GALNS: variants seen among roughly 807,000 people sequenced by gnomAD.
The protein encoded by GALNS is galactosamine (N-acetyl)-6-sulfatase, also known as N-acetylgalactosamine-6-sulfatase.
GALNS carries 65 observed loss-of-function variants against 65.9 expected under a neutral mutation model. The observed-to-expected ratio is 0.99, with a 90% CI of 0.81 to 1.21. GALNS has a LOEUF of 1.21. Ranked by LOEUF, GALNS falls within the 50% of genes most tolerant of loss-of-function variation. The pLI, the probability that GALNS is intolerant of heterozygous loss-of-function variation, is 0.00. For missense variants in GALNS, 776 were observed against 700.7 expected (o/e 1.11, Z -1.21); for synonymous variants, 346 against 288.9 (o/e 1.20, Z -2.00).
At position 88,822,793 on chromosome 16, in the gene GALNS, CCT is replaced by C. The variant is rs958396555; in HGVS notation, c.1243-85_1243-84del. On this transcript the variant is annotated intron_variant, in intron 11 of 13. Transcript: ENST00000268695. ...CCTCGTCTGCCCGTGTCCTGGAGCC[CCT>C]GACTGCGGCCGTGAGGGGCCTTGTC... 4.5e-6 allele frequency: 7 copies of C among 1,564,738 alleles called. No homozygotes were observed. The African/African-American group carries it at 5.4e-5, about 12-fold the overall frequency.
In GALNS at chr16:88,818,353, G is replaced by C. The variant is rs1234435342; in HGVS notation, c.1365-229C>G. Among the ~76,000 whole-genome samples, 4 of 152,338 alleles carry C rather than the reference G, an allele frequency of 2.6e-5. No individual in the cohort carries two copies. In the East Asian group the frequency reaches 7.7e-4, roughly 29 times the overall value. On this transcript the variant is annotated intron_variant, in intron 12 of 13. Coordinates refer to ENST00000268695, the MANE Select transcript of GALNS (RefSeq NM_000512.5). The stretch of plus-strand genomic sequence containing the variant: ...CTCACGGGCAAGAGAGGAAATGAAG[G>C]CTCAGCAGGCCAAGCCCTGGCAGAG...
At chr16:88,814,869 G>T (rs1024472361) in intron 13 of GALNS, 1 of 263,156 alleles carries the variant, frequency 3.8e-6, no homozygotes, top group African/African-American at 2.3e-5. Context: ...AAGGTGCTGG[G>T]ATTACAGGTG....
intron 12 of GALNS, among the ~76,000 whole-genome samples, chr16:88,820,729 C>T (rs551365597): frequency 1.2e-4 from 18 of 152,314 alleles, no homozygotes; most frequent in Middle Eastern, 3.4e-3. Flanking sequence ...ACGCAACAGG[C>T]GGGGAGCAGT....
chr16:88,856,097 C>T, intron 1 of GALNS: 2 of 688,420 alleles, frequency 2.9e-6, no homozygotes, highest in Non-Finnish European at 5.3e-6. Flanking sequence ...GTGGCTCCCA[C>T]AAGGAGTTAG....
Position 88,848,163 on chromosome 16 carries a change from G to A in GALNS, c.121-5334C>T, listed in dbSNP as rs74035861. On this transcript the variant is annotated intron_variant, in intron 1 of 13. Coordinates refer to ENST00000268695, the MANE Select transcript of GALNS (RefSeq NM_000512.5). The stretch of plus-strand genomic sequence containing the variant: ...GATCCTTAGAGACAGAAAGGGGAGC[G>A]GGTCGGCCAGGGGCTTCGGGGAGCA... 7.1e-3 allele frequency among the ~76,000 whole-genome samples: 1,085 copies of A among 152,288 alleles called. 13 individuals carry two copies. The highest frequency in any genetic ancestry group is 0.025 in the African/African-American group (1,020 of 41,548).
At chr16:88,821,372 C>G (rs926742904) in intron 12 of GALNS, among the ~76,000 whole-genome samples, 1 of 152,182 alleles carries the variant, frequency 6.6e-6, no homozygotes, top group Admixed American at 6.5e-5. Flanking sequence ...GCCTTGGACC[C>G]AGCGCCACCC....
rs78127134 is a variant in GALNS at position 88,818,027 on chromosome 16, C to T, written c.1462G>A (p.Val488Met). The T allele has an allele frequency of 1.2e-3, 1,872 of 1,583,156 alleles. 45 individuals carry two copies. In the East Asian group the frequency reaches 0.03, roughly 25 times the overall value. ...CTTACCATGACCGCCCAGTTGCACA[C>T]GTTGAGCTGGGGCTGCGCGGGGACC... Reference protein sequence around the residue: ...ALVPAQPQLNVCNWAVMNWAP... With the variant: ...ALVPAQPQLNMCNWAVMNWAP... Residue 488 changes from valine (V) to methionine (M), a missense_variant, in exon 13 of 14, where the codon GTG (valine) becomes ATG (methionine). By Grantham distance (21) the Val-to-Met change is conservative. Transcript: ENST00000268695.
intron 7 of GALNS, 137 bp downstream of exon 7, chr16:88,835,588 G>C: frequency 7.2e-7 from 1 of 1,395,754 alleles, no homozygotes; most frequent in Non-Finnish European, 1.0e-6. Context: ...CAGGCCAGTG[G>C]ACGGCTTCAA....
chr16:88,837,455 T>C (rs1006653696), intron 5 of GALNS, among the ~76,000 whole-genome samples, 167 bp downstream of exon 5: 3 of 152,080 alleles, frequency 2.0e-5, no homozygotes, highest in African/African-American at 7.2e-5. Flanking sequence ...GGGGCAAAAC[T>C]TGGTGGGACA....
chr16:88,830,230 C>CA (rs758855583), intron 9 of GALNS, among the ~76,000 whole-genome samples: 465 of 13,916 alleles, frequency 0.033, 40 homozygotes, highest in Non-Finnish European at 0.048. Flanking sequence ...GACTTCATCT[C>CA]AAAAAAAAAA....
At chr16:88,826,920 G>A (rs1910992439) in intron 9 of GALNS, 82 bp from the exon 10 acceptor site, 1 of 1,498,178 alleles carries the variant, frequency 6.7e-7, no homozygotes, top group African/African-American at 1.4e-5. Context: ...GGGGGCGTGA[G>A]CCCCGCTGCC....
chr16:88,835,414 G>A, intron 7 of GALNS, 62 bp from the exon 8 acceptor site: 1 of 1,595,416 alleles, frequency 6.3e-7, no homozygotes, highest in Non-Finnish European at 8.6e-7. Flanking sequence ...GGATCAGGCA[G>A]CCAACGGCAT....
chr16:88,840,176 G>C (rs1966899662), intron 4 of GALNS, among the ~76,000 whole-genome samples: 1 of 152,196 alleles, frequency 6.6e-6, no homozygotes, highest in South Asian at 2.1e-4. Flanking sequence ...TCCCTAGACA[G>C]CCTCTGGGTC....
intron 5 of GALNS, among the ~76,000 whole-genome samples, chr16:88,836,742 G>A (rs1043714631): frequency 9.2e-5 from 14 of 152,230 alleles, no homozygotes; most frequent in African/African-American, 2.7e-4. Context: ...CCCAGGGCAC[G>A]GTCTTGCATC....
rs564043469 is a variant in GALNS, at chr16:88,816,415, C to G, written c.1482+1592G>C. 6 of 985,442 alleles carry G rather than the reference C, an allele frequency of 6.1e-6. No individual in the cohort carries two copies. In the South Asian group the frequency reaches 2.8e-4, roughly 46 times the overall value. 61.0% of individuals were successfully genotyped at this position (985,442 alleles called of 1,614,324 possible). ...GACTCAGGGGTCCTGAGACAGGGAC[C>G]TCCCTGCTCCACCACTGAGTCCAGA... is the stretch of plus-strand genomic sequence containing the variant. On this transcript the variant is annotated intron_variant, in intron 13 of 13. Transcript: ENST00000268695.
At position 88,856,844 on chromosome 16, in the gene GALNS, G is replaced by A. The variant is rs911452920; in HGVS notation, c.34C>T (p.Gln12Ter). 6.6e-7 allele frequency: 1 copy of A among 1,516,620 alleles called. No individual in the cohort carries two copies. The highest frequency in any genetic ancestry group is 8.8e-7 in the Non-Finnish European group (1 of 1,141,532). The allele number at this position is 1,516,620 out of a possible 1,614,324, so 93.9% of individuals were successfully genotyped here. Reference sequence around the variant, plus strand: ...GCGGCGCTGAGCACCAGCAACAGCTGCCACCACCTCGTCGCCGCGACAACC... The same window carrying A: ...GCGGCGCTGAGCACCAGCAACAGCTACCACCACCTCGTCGCCGCGACAACC... ...AAVVAATRWW[Q>*]LLLVLSAAGM... Residue 12 changes from glutamine (Q) to a stop codon, truncating the protein, a stop_gained, in exon 1 of 14, where the codon CAG becomes TAG. Coordinates refer to ENST00000268695, the MANE Select transcript of GALNS (RefSeq NM_000512.5). LOFTEE classifies it high-confidence loss of function.
intron 10 of GALNS, among the ~76,000 whole-genome samples, chr16:88,825,935 C>A (rs979401514): frequency 6.6e-6 from 1 of 152,220 alleles, no homozygotes; most frequent in Non-Finnish European, 1.5e-5. Flanking sequence ...GAATCCTCAT[C>A]CCTTCAGGAC....
At chr16:88,850,735 G>A (rs76098020) in intron 1 of GALNS, among the ~76,000 whole-genome samples, 6,972 of 152,340 alleles carry the variant, frequency 0.046, 219 homozygotes, top group Middle Eastern at 0.12. Flanking sequence ...CTCGGGCTGC[G>A]AGCACAGGTG....
chr16:88,837,802 C>A (rs759126822), intron 4 of GALNS, 37 bp from the exon 5 acceptor site: 1 of 1,611,058 alleles, frequency 6.2e-7, no homozygotes, highest in Non-Finnish European at 8.5e-7. Flanking sequence ...AGGGACCCCA[C>A]GTGGGGACAC....
Sources: allele counts gnomAD v4.1 joint callset (sites outside exome capture counted in the v4.1 genomes callset), GRCh38; gene constraint gnomAD v4.1.1; transcripts MANE v1.5; gene names NCBI Gene and HGNC (gene_info 2026-07-23, HGNC 2026-07-21).